ATP5MC2: variants seen among roughly 807,000 people sequenced by gnomAD.
ATP5MC2 encodes ATP synthase F(0) complex subunit C2, mitochondrial.
Under a neutral mutation model 13.5 loss-of-function variants are expected in ATP5MC2, and 11 were observed. The observed-to-expected ratio is 0.81, with a 90% CI of 0.51 to 1.35. The LOEUF (loss-of-function observed/expected upper bound fraction) is 1.35. Ranked by LOEUF, ATP5MC2 falls within the 40% of genes most tolerant of loss-of-function variation. The pLI is 0.00. For synonymous variants in ATP5MC2, 64 were observed against 69.7 expected (o/e 0.92, Z 0.41); for missense variants, 132 against 175.0 (o/e 0.75, Z 1.39).
chr12:53,669,782 G>T, intron 3 of ATP5MC2, 89 bp downstream of exon 3: 1 of 1,377,430 alleles, frequency 7.3e-7, no homozygotes, highest in Non-Finnish European at 1.0e-6. Context: ...TGTGATGACT[G>T]TCCTCAGCAT....
upstream of ATP5MC2, chr12:53,676,330 C>A (rs1219141857): frequency 1.4e-5 from 19 of 1,341,608 alleles, no homozygotes; most frequent in South Asian, 1.7e-4. Flanking sequence ...ACGTGGACTG[C>A]GGTTTGGTCT....
intron 1 of ATP5MC2, among the ~76,000 whole-genome samples, chr12:53,675,628 G>T (rs957739887): frequency 1.3e-5 from 2 of 152,194 alleles, no homozygotes; most frequent in East Asian, 3.8e-4. Context: ...GAGCACCTGA[G>T]GTTCTGGGGC....
rs202075253 is a variant in ATP5MC2 at position 53,672,668 on chromosome 12, G to A, written c.-31-23C>T. On this transcript the variant is annotated intron_variant, in intron 1 of 4. Coordinates refer to ENST00000394349, the MANE Select transcript of ATP5MC2 (RefSeq NM_005176.7). ...GAGCTGGAATTACAGAAGCAGTATT[G>A]TAAACGCTCCTTATTCACTAAACTA... The A allele has an allele frequency of 8.8e-4, 1,374 of 1,558,220 alleles. 1 individual carries two copies. The highest frequency in any genetic ancestry group is 1.2e-3 in the Admixed American group (60 of 51,370).
chr12:53,674,545 T>C (rs1319357047), intron 1 of ATP5MC2, among the ~76,000 whole-genome samples: 1 of 152,240 alleles, frequency 6.6e-6, no homozygotes, highest in Non-Finnish European at 1.5e-5. Context: ...AAATACTCAG[T>C]GAATGCTTAG....
intron 4 of ATP5MC2, among the ~76,000 whole-genome samples, chr12:53,666,909 G>C (rs1182212489): frequency 6.9e-6 from 1 of 144,584 alleles, no homozygotes; most frequent in Non-Finnish European, 1.5e-5. Context: ...TTGTGCCACT[G>C]CACTTCAGTC....
intron 2 of ATP5MC2, among the ~76,000 whole-genome samples, chr12:53,671,977 C>T (rs2138035712): frequency 6.7e-6 from 1 of 150,126 alleles, no homozygotes; most frequent in Admixed American, 6.7e-5. Flanking sequence ...GCCTGTAACC[C>T]CAGCTACTTG....
At chr12:53,676,243 T>C, upstream of ATP5MC2, 2 of 1,591,698 alleles carry the variant, frequency 1.3e-6, no homozygotes, top group Non-Finnish European at 1.7e-6. Context: ...TTGCTCCACC[T>C]GGCGTTCGAG....
chr12:53,667,997 A>ATTTT (rs59042234), intron 4 of ATP5MC2, among the ~76,000 whole-genome samples: 6 of 126,832 alleles, frequency 4.7e-5, no homozygotes, highest in African/African-American at 1.8e-4. Flanking sequence ...ATATATATAA[A>ATTTT]TTTTTTTTTT....
At chr12:53,670,595 A>G (rs1212934736) in intron 2 of ATP5MC2, among the ~76,000 whole-genome samples, 1 of 151,636 alleles carries the variant, frequency 6.6e-6, no homozygotes, top group African/African-American at 2.4e-5. Flanking sequence ...AAAGATTCCT[A>G]ATTCGAAGTA....
chr12:53,680,048 CGATCAT>C (rs1273893514), upstream of ATP5MC2, among the ~76,000 whole-genome samples: 2 of 152,242 alleles, frequency 1.3e-5, no homozygotes, highest in East Asian at 3.9e-4. Flanking sequence ...TGCGGTGACA[CGATCAT>C]GGCTCACTGC....
chr12:53,681,114 C>T (rs1339975083), upstream of ATP5MC2, among the ~76,000 whole-genome samples: 1 of 151,660 alleles, frequency 6.6e-6, no homozygotes, highest in Non-Finnish European at 1.5e-5. Context: ...CCATGTTGGT[C>T]AGGCTGGTCT....
At chr12:53,670,073 A>G (rs1945051681) in intron 2 of ATP5MC2, 125 bp from the exon 3 acceptor site, 7 of 813,044 alleles carry the variant, frequency 8.6e-6, no homozygotes, top group South Asian at 4.3e-5. Flanking sequence ...CCATCTTCAC[A>G]TGTACGTTAG....
intron 2 of ATP5MC2, among the ~76,000 whole-genome samples, chr12:53,671,526 C>T (rs1157263499): frequency 6.6e-6 from 1 of 152,184 alleles, no homozygotes; most frequent in Non-Finnish European, 1.5e-5. Flanking sequence ...AGCTTCCTAT[C>T]CAAATTTAAG....
At chr12:53,671,595 T>C (rs1945095114) in intron 2 of ATP5MC2, among the ~76,000 whole-genome samples, 1 of 152,240 alleles carries the variant, frequency 6.6e-6, no homozygotes, top group Non-Finnish European at 1.5e-5. Context: ...ACACAGTGCA[T>C]ACTCAGTCCA....
chr12:53,679,259 G>GAGAC, upstream of ATP5MC2, among the ~76,000 whole-genome samples: 1 of 152,064 alleles, frequency 6.6e-6, no homozygotes, highest in South Asian at 2.1e-4. Flanking sequence ...GAGAGAGAGA[G>GAGAC]AGAGAGAGAG....
chr12:53,679,238 C>CTAGAGA (rs1491399184), upstream of ATP5MC2, among the ~76,000 whole-genome samples: 1 of 127,684 alleles, frequency 7.8e-6, no homozygotes, highest in Admixed American at 7.7e-5. Flanking sequence ...ATTTTAAAAA[C>CTAGAGA]GAGAGAGAGA....
At chr12:53,672,030 G>T (rs1023866627) in intron 2 of ATP5MC2, among the ~76,000 whole-genome samples, 2 of 145,248 alleles carry the variant, frequency 1.4e-5, no homozygotes, top group Non-Finnish European at 3.0e-5. Context: ...GGAGGCGGAG[G>T]TTGTGGTGGA....
chr12:53,672,702 T>G, intron 1 of ATP5MC2, 57 bp from the exon 2 acceptor site: 1 of 1,506,724 alleles, frequency 6.6e-7, no homozygotes, highest in South Asian at 1.2e-5. Context: ...TATATCCTTA[T>G]TAGCAGAAAA....
At chr12:53,681,254 G>T (rs1287269323), upstream of ATP5MC2, among the ~76,000 whole-genome samples, 2 of 151,684 alleles carry the variant, frequency 1.3e-5, no homozygotes, top group Non-Finnish European at 1.5e-5. Context: ...GGCCAGGCAT[G>T]GTGGCTCATG....
Sources: allele counts gnomAD v4.1 joint callset (sites outside exome capture counted in the v4.1 genomes callset), GRCh38; gene constraint gnomAD v4.1.1; transcripts MANE v1.5; gene names NCBI Gene and HGNC (gene_info 2026-07-23, HGNC 2026-07-21).